Variants in SPTBN1 observed in about 807,000 individuals in gnomAD.
SPTBN1 encodes the protein spectrin beta, non-erythrocytic 1.
Under a neutral mutation model 266.4 loss-of-function variants are expected in SPTBN1, and 32 were observed. The ratio of observed to expected loss-of-function variants is 0.12; its 90% CI spans 0.09 to 0.16. SPTBN1 has a LOEUF of 0.16. Ranked by LOEUF, SPTBN1 falls within the 10% of genes least tolerant of loss-of-function variation. SPTBN1 has a pLI of 1.00. For missense variants in SPTBN1, 2,296 were observed against 3,067.1 expected (o/e 0.75, Z 5.94); for synonymous variants, 1,336 against 1,162.2 (o/e 1.15, Z -3.04).
In SPTBN1 at chr2:54,655,133, A is replaced by C. The variant is rs372693067; in HGVS notation, c.5886A>C (p.Ala1962=). The change falls in exon 28 of 36, where the codon GCA becomes GCC. Residue 1962 remains alanine, a synonymous_variant. Transcript: ENST00000356805. ...AAGGCATCAAAGCTGAAATTGATGC[A>C]CGTAATGACAGTTTCACAACCTGCA... ...NHQGIKAEID[A]RNDSFTTCIE... is the part of the protein sequence containing the mutation. The C allele has an allele frequency of 1.9e-6, 3 of 1,614,236 alleles. No homozygotes were observed. The highest frequency in any genetic ancestry group is 1.3e-5 in the African/African-American group (1 of 75,080).
chr2:54,549,566 G>T (rs1672450210), intron 2 of SPTBN1, among the ~76,000 whole-genome samples: 1 of 152,164 alleles, frequency 6.6e-6, no homozygotes, highest in South Asian at 2.1e-4. Flanking sequence ...TCTTGAGTCT[G>T]TGTCTGGTGT....
chr2:54,642,120 G>A (rs1237940326), intron 18 of SPTBN1, among the ~76,000 whole-genome samples: 1 of 152,204 alleles, frequency 6.6e-6, no homozygotes, highest in South Asian at 2.1e-4. Context: ...CAAATGGGGC[G>A]GGAATCAGGA....
intron 28 of SPTBN1, 146 bp from the exon 29 acceptor site, chr2:54,655,768 C>T (rs757479704): frequency 3.4e-6 from 2 of 590,238 alleles, no homozygotes. Flanking sequence ...CTCTCCCAGT[C>T]CTCAGACAGA....
At chr2:54,526,726 CAGTT>C in intron 2 of SPTBN1, 160 bp downstream of exon 2, 1 of 843,408 alleles carries the variant, frequency 1.2e-6, no homozygotes, top group Non-Finnish European at 1.7e-6. Flanking sequence ...ATAAGGTAGT[CAGTT>C]CCATATTTGG....
intron 4 of SPTBN1, among the ~76,000 whole-genome samples, chr2:54,614,006 G>C (rs150369680): frequency 6.6e-6 from 1 of 152,184 alleles, no homozygotes; most frequent in South Asian, 2.1e-4. Flanking sequence ...GATTCTCAGC[G>C]TGAATTGCTT....
At chr2:54,528,109 ATT>A (rs1344674931) in intron 2 of SPTBN1, 2 of 152,652 alleles carry the variant, frequency 1.3e-5, no homozygotes, top group Non-Finnish European at 2.9e-5. Context: ...CTTCATTATC[ATT>A]CATTAACATG....
intron 1 of SPTBN1, among the ~76,000 whole-genome samples, chr2:54,518,464 A>AAG (rs1273955952): frequency 6.6e-6 from 1 of 151,564 alleles, no homozygotes; most frequent in Non-Finnish European, 1.5e-5. Flanking sequence ...TAAAAAAAAA[A>AAG]AAAAAGAAAC....
At chr2:54,667,512 G>A (rs907136) in intron 34 of SPTBN1, 92 bp from the exon 35 acceptor site, 185,518 of 1,242,540 alleles carry the variant, frequency 0.15, 14,736 homozygotes, top group Middle Eastern at 0.23. Context: ...GACTCCTGTG[G>A]TCTACTTCTG....
intron 4 of SPTBN1, among the ~76,000 whole-genome samples, chr2:54,613,418 C>T (rs768050943): frequency 6.6e-6 from 1 of 152,200 alleles, no homozygotes; most frequent in East Asian, 1.9e-4. Flanking sequence ...AGCCTGTCAA[C>T]AGTCCCTTTT....
intron 30 of SPTBN1, among the ~76,000 whole-genome samples, 189 bp downstream of exon 30, chr2:54,658,235 C>G (rs1175126269): frequency 2.0e-5 from 3 of 152,114 alleles, no homozygotes; most frequent in Admixed American, 2.0e-4. Context: ...GGACTGTTAC[C>G]TCCTCAGTCA....
chr2:54,524,880 G>A (rs1264371486), intron 1 of SPTBN1, among the ~76,000 whole-genome samples: 5 of 152,126 alleles, frequency 3.3e-5, no homozygotes, highest in Admixed American at 3.3e-4. Context: ...TGAGTTCTCA[G>A]TTTCAGGACC....
intron 2 of SPTBN1, among the ~76,000 whole-genome samples, chr2:54,580,081 G>T (rs1050284845): frequency 2.1e-4 from 32 of 152,192 alleles, no homozygotes; most frequent in African/African-American, 7.7e-4. Flanking sequence ...TTCCGGGCTG[G>T]CTCTGACAGC....
rs186069357 is a variant in SPTBN1, at chr2:54,464,832, T to A, written c.-48+8314T>A. Among the ~76,000 whole-genome samples, 723 of 152,184 alleles carry A rather than the reference T, an allele frequency of 4.8e-3. 2 individuals carry two copies. Among genetic ancestry groups the A allele is most frequent in the African/African-American group, 0.017 (704 of 41,532 alleles). On this transcript the variant is annotated intron_variant, in intron 1 of 35. Coordinates refer to ENST00000356805, the MANE Select transcript of SPTBN1 (RefSeq NM_003128.3). ...AGCCTCCCAAGTAGTTGCAGGCGTGTACCACCACACAGGGCTAATTTTTAA... is the reference window on the plus strand; with the variant it reads ...AGCCTCCCAAGTAGTTGCAGGCGTGAACCACCACACAGGGCTAATTTTTAA...
At chr2:54,621,963 G>T (rs1678018930) in intron 8 of SPTBN1, among the ~76,000 whole-genome samples, 1 of 152,176 alleles carries the variant, frequency 6.6e-6, no homozygotes, top group Non-Finnish European at 1.5e-5. Context: ...TATGGGACAG[G>T]ATCAAGCTAA....
intron 1 of SPTBN1, among the ~76,000 whole-genome samples, chr2:54,475,421 G>C (rs1196996148): frequency 6.6e-6 from 1 of 152,104 alleles, no homozygotes; most frequent in Non-Finnish European, 1.5e-5. Context: ...AACTTTTAAT[G>C]ATGACAGATA....
At chr2:54,461,727 G>C (rs13035416) in intron 1 of SPTBN1, among the ~76,000 whole-genome samples, 24,318 of 152,042 alleles carry the variant, frequency 0.16, 2,091 homozygotes, top group African/African-American at 0.2. Context: ...TGGGTTCTTC[G>C]TTTTGTGAAG....
At chr2:54,548,609 C>T (rs867492314) in intron 2 of SPTBN1, among the ~76,000 whole-genome samples, 1 of 152,214 alleles carries the variant, frequency 6.6e-6, no homozygotes, top group African/African-American at 2.4e-5. Flanking sequence ...CCTCTTCCTT[C>T]AGGTTTGCTC....
At position 54,645,900 on chromosome 2, in the gene SPTBN1, C is replaced by T; in HGVS notation, c.4495-28C>T. 1 of 1,611,396 alleles carries T rather than the reference C, an allele frequency of 6.2e-7. No homozygotes were observed. ...CGTATATTTGTTCCTCTGAGTGGAT[C>T]TGACCACTTATTTAAAATTCTTCCC... On this transcript the variant is annotated intron_variant, in intron 21 of 35. Transcript: ENST00000356805. This position sits in a 1 kb window ranked among gnomAD's most constrained non-coding sequence, Gnocchi z 4.3.
Position 54,558,912 on chromosome 2 carries a change from C to A in SPTBN1, c.148+32346C>A. The A allele has an allele frequency of 6.2e-7, 1 of 1,608,990 alleles. No homozygotes were observed. The highest frequency in any genetic ancestry group is 8.5e-7 in the Non-Finnish European group (1 of 1,177,368). On this transcript the variant is annotated intron_variant, in intron 2 of 35. Coordinates refer to ENST00000356805, the MANE Select transcript of SPTBN1 (RefSeq NM_003128.3). The surrounding 1 kb of genome is among the most constrained non-coding windows in gnomAD (Gnocchi z 4.6). ...GGTAAGCCCCCTCCCAAAGGCCGGG[C>A]CTGTCCTGGGTGCCAACGGGGGTTC...
Sources: gnomAD v4.1 joint callset for allele counts (sites outside exome capture counted in the v4.1 genomes callset) on GRCh38, gnomAD v4.1.1 for gene constraint, Gnocchi (gnomAD v3.1) non-coding constraint, MANE v1.5 for transcripts, NCBI Gene and HGNC (gene_info 2026-07-23, HGNC 2026-07-21) for gene names.